The following PIK3C2G variants were observed in gnomAD, a reference collection of about 807,000 sequenced individuals.
PIK3C2G encodes phosphatidylinositol-4-phosphate 3-kinase catalytic subunit type 2 gamma, also known as phosphatidylinositol 3-kinase C2 domain-containing subunit gamma.
In PIK3C2G, 168 loss-of-function variants were observed where a neutral mutation model predicts 181.1. That is an observed-to-expected ratio of 0.93 (90% CI 0.82 to 1.05). The LOEUF is 1.05. Among genes scored for constraint, PIK3C2G ranks in the 50% least tolerant of loss-of-function variants. The pLI is 0.00. For synonymous variants in PIK3C2G, 573 were observed against 592.2 expected, an observed-to-expected ratio of 0.97 and a Z score of 0.47; for missense variants, 1,869 against 1,732.8, an observed-to-expected ratio of 1.08 and a Z score of -1.40.
At chr12:18,530,684 A>G (rs563330714) in intron 24 of PIK3C2G, among the ~76,000 whole-genome samples, 65 of 152,266 alleles carry the variant, frequency 4.3e-4, no homozygotes, top group African/African-American at 1.5e-3. Flanking sequence ...TGATTAGATC[A>G]TGGGGGTGGA....
chr12:18,526,424 G>A (rs969325774), intron 24 of PIK3C2G, among the ~76,000 whole-genome samples: 2 of 152,136 alleles, frequency 1.3e-5, no homozygotes, highest in Admixed American at 6.6e-5. Context: ...CCAACTGTGA[G>A]TGTTTTAAGG....
chr12:18,479,094 A>G (rs1939303940), intron 18 of PIK3C2G, among the ~76,000 whole-genome samples: 1 of 151,084 alleles, frequency 6.6e-6, no homozygotes, highest in Non-Finnish European at 1.5e-5. Context: ...TATAAAATAT[A>G]CATATGTATA....
intron 20 of PIK3C2G, among the ~76,000 whole-genome samples, chr12:18,495,555 G>A (rs1247137548): frequency 6.6e-6 from 1 of 152,110 alleles, no homozygotes; most frequent in Admixed American, 6.5e-5. Context: ...TCACAAAGAT[G>A]TATGAGGGAG....
intron 6 of PIK3C2G, among the ~76,000 whole-genome samples, chr12:18,317,011 CT>C (rs756099726): frequency 0.12 from 13,601 of 117,062 alleles, 352 homozygotes; most frequent in Non-Finnish European, 0.14. Context: ...AGTCTTGATT[CT>C]TTTTTTTTTT....
the PIK3C2G span, among the ~76,000 whole-genome samples, chr12:18,717,259 A>G: frequency 6.6e-6 from 1 of 152,186 alleles, no homozygotes; most frequent in Non-Finnish European, 1.5e-5. Context: ...ATAACAAAAA[A>G]TGAATGGAAA....
At chr12:18,693,295 T>G in the PIK3C2G span, 1 of 1,524,826 alleles carries the variant, frequency 6.6e-7, no homozygotes, top group Non-Finnish European at 9.1e-7. Flanking sequence ...CTGGTCACAG[T>G]GATGAAGGTG....
At chr12:18,264,996 A>C (rs1948420443) in intron 1 of PIK3C2G, among the ~76,000 whole-genome samples, 1 of 152,186 alleles carries the variant, frequency 6.6e-6, no homozygotes, top group Non-Finnish European at 1.5e-5. Flanking sequence ...TCTCTTTCTT[A>C]GAGTCTTCAT....
At chr12:18,619,329 G>A (rs1271350944) in intron 31 of PIK3C2G, among the ~76,000 whole-genome samples, 1 of 151,962 alleles carries the variant, frequency 6.6e-6, no homozygotes, top group African/African-American at 2.4e-5. Context: ...ATCCTCTGCA[G>A]CAAAGGAGAA....
chr12:18,365,671 T>C (rs1485937960), intron 12 of PIK3C2G, among the ~76,000 whole-genome samples: 1 of 152,162 alleles, frequency 6.6e-6, no homozygotes, highest in Non-Finnish European at 1.5e-5. Flanking sequence ...CTGTTGTATA[T>C]GTCATTATTC....
rs760928254 is a variant in PIK3C2G at position 18,282,556 on chromosome 12, G to T, written c.475G>T (p.Glu159Ter). 2 of 1,611,208 alleles carry T rather than the reference G, an allele frequency of 1.2e-6. No homozygotes were observed. Among genetic ancestry groups the T allele is most frequent in the African/African-American group, 2.7e-5 (2 of 74,880 alleles). Residue 159 changes from glutamate (E) to a stop codon, truncating the protein, a stop_gained, in exon 2 of 33, where the codon GAA (glutamate) becomes TAA (stop). Transcript: ENST00000538779. LOFTEE classifies it high-confidence loss of function. ...TSLDKINLEK[E>*]LENENHNYHI... ...TTTGGATAAAATTAATCTAGAGAAA[G>T]AATTAGAAAATGAAAATCATAACTA...
intron 32 of PIK3C2G, among the ~76,000 whole-genome samples, chr12:18,646,424 G>T (rs934062113): frequency 6.6e-6 from 1 of 152,108 alleles, no homozygotes; most frequent in South Asian, 2.1e-4. Context: ...ATATCATATT[G>T]TATCTCATGC....
At chr12:18,659,663 CTT>C in the PIK3C2G span, among the ~76,000 whole-genome samples, 13 of 133,780 alleles carry the variant, frequency 9.7e-5, no homozygotes, top group Admixed American at 2.3e-4. Flanking sequence ...GTTCTCCATT[CTT>C]TTTTTTTTTT....
intron 1 of PIK3C2G, among the ~76,000 whole-genome samples, chr12:18,262,412 C>A (rs1948284148): frequency 6.6e-6 from 1 of 152,034 alleles, no homozygotes; most frequent in Non-Finnish European, 1.5e-5. Context: ...AGAACACATA[C>A]CCCTCATGTC....
intron 31 of PIK3C2G, 79 bp from the exon 32 acceptor site, chr12:18,640,350 G>C: frequency 8.2e-7 from 1 of 1,222,350 alleles, no homozygotes; most frequent in Non-Finnish European, 1.1e-6. Context: ...CCTGCCTTTG[G>C]TCTGGATATT....
chr12:18,252,318 C>T (rs1948103069), intron 1 of PIK3C2G, among the ~76,000 whole-genome samples: 1 of 152,104 alleles, frequency 6.6e-6, no homozygotes, highest in Non-Finnish European at 1.5e-5. Flanking sequence ...TATTCTCTGT[C>T]AGACAAATTA....
intron 29 of PIK3C2G, among the ~76,000 whole-genome samples, chr12:18,583,706 C>G (rs1362206600): frequency 6.6e-6 from 1 of 152,118 alleles, no homozygotes; most frequent in East Asian, 1.9e-4. Flanking sequence ...AACTACCCTT[C>G]CCCTGCCTAA....
At chr12:18,261,435 G>A (rs1451911584), upstream of PIK3C2G, 1 of 151,118 alleles carries the variant, frequency 6.6e-6, no homozygotes, top group Non-Finnish European at 1.5e-5. Context: ...TTCCAAACAC[G>A]CCCAACCTGC....
intron 30 of PIK3C2G, among the ~76,000 whole-genome samples, chr12:18,606,839 A>G (rs1948049638): frequency 1.3e-5 from 2 of 152,268 alleles, no homozygotes; most frequent in African/African-American, 2.4e-5. Context: ...TAGTAAAACT[A>G]TAAATTATGT....
At chr12:18,701,774 T>C in the PIK3C2G span, 1 of 1,598,754 alleles carries the variant, frequency 6.3e-7, no homozygotes, top group Non-Finnish European at 8.5e-7. Context: ...TGAATTTTAG[T>C]GCCTAAGGAA....
Sources: allele counts gnomAD v4.1 joint callset (sites outside exome capture counted in the v4.1 genomes callset), GRCh38; gene constraint gnomAD v4.1.1; transcripts MANE v1.5; gene names NCBI Gene and HGNC (gene_info 2026-07-23, HGNC 2026-07-21).